The following CHD5 variants were observed in gnomAD, a reference collection of about 807,000 sequenced individuals.
CHD5 encodes the protein chromodomain helicase DNA binding protein 5.
CHD5 carries 69 observed loss-of-function variants against 230.3 expected under a neutral mutation model. That is an observed-to-expected ratio of 0.30 (90% confidence interval 0.25 to 0.37). The LOEUF (loss-of-function observed/expected upper bound fraction) is 0.37. Ranked by LOEUF, CHD5 falls within the 10% of genes least tolerant of loss-of-function variation. The pLI is 1.00. For synonymous variants in CHD5, 1,064 were observed against 1,065.9 expected (o/e 1.00, Z 0.03); for missense variants, 1,827 against 2,622.8 (o/e 0.70, Z 6.63).
At position 6,128,040 on chromosome 1, in the gene CHD5, C is replaced by A; in HGVS notation, c.3903+6G>T. Reference sequence around the variant, plus strand: ...CTGCGGATGGAGGGCGGGCCGGGGACCTTACCACGCCGTCCTCCTCGCGCA... The same window carrying A: ...CTGCGGATGGAGGGCGGGCCGGGGAACTTACCACGCCGTCCTCCTCGCGCA... On this transcript the variant is annotated splice_donor_region_variant and intron_variant, in intron 25 of 41. Coordinates refer to ENST00000262450, the MANE Select transcript of CHD5 (RefSeq NM_015557.3). The surrounding 1 kb of genome is among the most constrained non-coding windows in gnomAD (Gnocchi z 7.8). The A allele has an allele frequency of 6.3e-7, 1 of 1,596,076 alleles. No individual in the cohort carries two copies. The highest frequency in any genetic ancestry group is 8.5e-7 in the Non-Finnish European group (1 of 1,171,772).
chr1:6,125,357 G>A lies in CHD5; in HGVS notation c.4261-124C>T, dbSNP rs1666538560. 4.1e-6 allele frequency: 5 copies of A among 1,215,256 alleles called. No individual in the cohort carries two copies. Among genetic ancestry groups the A allele is most frequent in the Non-Finnish European group, 5.7e-6 (5 of 877,466 alleles). The allele number at this position is 1,215,256 out of a possible 1,614,324, so 75.3% of individuals were successfully genotyped here. A position where few individuals can be genotyped will look rare whatever the true frequency, so the allele number is the denominator to read the frequency against. On this transcript the variant is annotated intron_variant, in intron 28 of 41. Coordinates refer to ENST00000262450, the MANE Select transcript of CHD5 (RefSeq NM_015557.3). This position sits in a 1 kb window ranked among gnomAD's most constrained non-coding sequence, Gnocchi z 6.7. ...TAGGAAGGGGGCACAGAGAAGGCAG[G>A]GGCCTCCACCTGGGGCAGGACCCTG... is the stretch of plus-strand genomic sequence containing the variant.
Position 6,134,335 on chromosome 1 carries a change from G to C in CHD5, c.3013-76C>G, listed in dbSNP as rs1405324748. On this transcript the variant is annotated intron_variant, in intron 19 of 41. Coordinates refer to ENST00000262450, the MANE Select transcript of CHD5 (RefSeq NM_015557.3). The surrounding 1 kb of genome is among the most constrained non-coding windows in gnomAD (Gnocchi z 6.3). ...GACTCTGCACCAAAGGGGCCGCAGG[G>C]AACAGACAAGTGCTGAGCAATGGGG... 7 of 1,536,660 alleles carry C rather than the reference G, an allele frequency of 4.6e-6. No individual in the cohort carries two copies. Among genetic ancestry groups the C allele is most frequent in the Non-Finnish European group, 5.3e-6 (6 of 1,127,760 alleles).
chr1:6,135,430 C>A (rs757885166), intron 17 of CHD5, 27 bp from the exon 18 acceptor site: 1 of 1,583,646 alleles, frequency 6.3e-7, no homozygotes. Flanking sequence ...GGATAACAGC[C>A]AGGAGCAGAG....
rs541732733 is a variant in CHD5, at chr1:6,128,239, G to T, written c.3731-21C>A. On this transcript the variant is annotated intron_variant, in intron 24 of 41. Coordinates refer to ENST00000262450, the MANE Select transcript of CHD5 (RefSeq NM_015557.3). This position sits in a 1 kb window ranked among gnomAD's most constrained non-coding sequence, Gnocchi z 7.8. Reference sequence around the variant, plus strand: ...GTCACCTGGGGAGCAGGCAAATGCAGTGTGAGGACAAAGACTGCCCTGGTC... The same window carrying T: ...GTCACCTGGGGAGCAGGCAAATGCATTGTGAGGACAAAGACTGCCCTGGTC... 19 of 1,612,034 alleles carry T rather than the reference G, an allele frequency of 1.2e-5. No homozygotes were observed. The highest frequency in any genetic ancestry group is 1.6e-5 in the Non-Finnish European group (19 of 1,178,860).
At chr1:6,160,397 G>C (rs1667154914) in intron 2 of CHD5, among the ~76,000 whole-genome samples, 1 of 137,452 alleles carries the variant, frequency 7.3e-6, no homozygotes, top group Admixed American at 7.0e-5. Flanking sequence ...AGCCAGGGAA[G>C]GGCCCCAGCC....
intron 6 of CHD5, 152 bp downstream of exon 6, chr1:6,152,260 T>C: frequency 1.2e-6 from 1 of 809,386 alleles, no homozygotes; most frequent in Non-Finnish European, 1.9e-6. Context: ...CCAGCACACC[T>C]GCATGTAGGA....
At position 6,155,592 on chromosome 1, in the gene CHD5, C is replaced by T. The variant is rs1363911788; in HGVS notation, c.506+7G>A. 2.5e-6 allele frequency: 4 copies of T among 1,609,698 alleles called. No individual in the cohort carries two copies. Among genetic ancestry groups the T allele is most frequent in the South Asian group, 1.1e-5 (1 of 90,992 alleles). On this transcript the variant is annotated splice_region_variant and intron_variant, in intron 4 of 41. Coordinates refer to ENST00000262450, the MANE Select transcript of CHD5 (RefSeq NM_015557.3). The surrounding 1 kb of genome is among the most constrained non-coding windows in gnomAD (Gnocchi z 4.0). ...GGCCTGGAGAACAGCCCTAGTGCCC[C>T]GCCCACCTGAGGAACTGGCTGAAGG... is the stretch of plus-strand genomic sequence containing the variant.
chr1:6,141,701 A>G (rs1472315298), intron 15 of CHD5, among the ~76,000 whole-genome samples: 1 of 152,224 alleles, frequency 6.6e-6, no homozygotes, highest in African/African-American at 2.4e-5. Flanking sequence ...TGATGTGTTT[A>G]TAGGATGAGA....
intron 8 of CHD5, 29 bp from the exon 9 acceptor site, chr1:6,149,104 C>G (rs375288328): frequency 6.8e-7 from 1 of 1,478,770 alleles, no homozygotes; most frequent in African/African-American, 1.4e-5. Context: ...TGGAGGCACC[C>G]TGGGCGGGGT....
rs1163006467 is a variant in CHD5 at position 6,131,840 on chromosome 1, G to C, written c.3145-92C>G. On this transcript the variant is annotated intron_variant, in intron 20 of 41. Transcript: ENST00000262450. This position sits in a 1 kb window ranked among gnomAD's most constrained non-coding sequence, Gnocchi z 5.0. ...ACCCCGCCACAGGCAGGGGAGGAGA[G>C]AGCTGCCTGCTAGGTGGGGAGACAG... 6 of 735,058 alleles carry C rather than the reference G, an allele frequency of 8.2e-6. No individual in the cohort carries two copies. The Admixed American group carries it at 8.6e-5, about 11-fold the overall frequency. 45.5% of individuals were successfully genotyped at this position (735,058 alleles called of 1,614,324 possible). A position where few individuals can be genotyped will look rare whatever the true frequency, so the allele number is the denominator to read the frequency against.
chr1:6,178,769 CA>C (rs1484520196), intron 1 of CHD5, among the ~76,000 whole-genome samples: 3 of 152,126 alleles, frequency 2.0e-5, no homozygotes, highest in African/African-American at 7.2e-5. Context: ...CAGAAGGGGG[CA>C]GGGGGTGTGG....
chr1:6,144,830 CG>C (rs1352341408), intron 11 of CHD5, among the ~76,000 whole-genome samples: 1 of 152,226 alleles, frequency 6.6e-6, no homozygotes, highest in Non-Finnish European at 1.5e-5. Context: ...CGGTGAGCAG[CG>C]GCTGCTGCGG....
intron 15 of CHD5, among the ~76,000 whole-genome samples, chr1:6,141,876 A>G (rs144197494): frequency 1.3e-5 from 2 of 152,290 alleles, no homozygotes; most frequent in Non-Finnish European, 2.9e-5. Context: ...CTTGATTTCC[A>G]ACCTCCAGCC....
intron 20 of CHD5, among the ~76,000 whole-genome samples, chr1:6,132,557 C>T (rs1046560749): frequency 2.0e-5 from 3 of 152,226 alleles, no homozygotes; most frequent in African/African-American, 7.2e-5. Context: ...TCTTCTGCAA[C>T]TCCAATTGGA....
At chr1:6,108,164 A>G (rs1375829627) in intron 38 of CHD5, among the ~76,000 whole-genome samples, 40 of 98,340 alleles carry the variant, frequency 4.1e-4, no homozygotes, top group Middle Eastern at 0.017. Flanking sequence ...AGGGGTGGAA[A>G]GATGGAGGGA....
In CHD5 at chr1:6,123,490, G is replaced by A. The variant is rs918021174; in HGVS notation, c.4699+458C>T. ...CCCCCAGGCTGGAGTGCAGTGGTGT[G>A]ATCTTGGCTCACTGCAACCTCCGCT... On this transcript the variant is annotated intron_variant, in intron 31 of 41. Coordinates refer to ENST00000262450, the MANE Select transcript of CHD5 (RefSeq NM_015557.3). Among the ~76,000 whole-genome samples, 4 of 151,740 alleles carry A rather than the reference G, an allele frequency of 2.6e-5. 1 individual carries two copies. Among genetic ancestry groups the A allele is most frequent in the Non-Finnish European group, 5.9e-5 (4 of 67,976 alleles).
intron 11 of CHD5, among the ~76,000 whole-genome samples, chr1:6,145,277 C>T (rs1468541425): frequency 6.6e-6 from 1 of 152,252 alleles, no homozygotes; most frequent in African/African-American, 2.4e-5. Flanking sequence ...GGATTGAAAT[C>T]TGAACATCTG....
intron 38 of CHD5, among the ~76,000 whole-genome samples, chr1:6,108,893 GA>G (rs1359006177): frequency 6.6e-6 from 1 of 151,054 alleles, no homozygotes; most frequent in East Asian, 2.0e-4. Context: ...AGGGATGATG[GA>G]GGGGTGGAAG....
At chr1:6,159,288 T>A in intron 3 of CHD5, 48 bp downstream of exon 3, 1 of 1,548,308 alleles carries the variant, frequency 6.5e-7, no homozygotes, top group Non-Finnish European at 8.7e-7. Flanking sequence ...CTCAGCCCCC[T>A]TAAAGGGGGA....
Sources: allele counts gnomAD v4.1 joint callset (sites outside exome capture counted in the v4.1 genomes callset), GRCh38; gene constraint gnomAD v4.1.1; non-coding constraint Gnocchi (gnomAD v3.1); transcripts MANE v1.5; gene names NCBI Gene and HGNC (gene_info 2026-07-23, HGNC 2026-07-21).